Variants in NECAB1 observed in about 807,000 individuals in gnomAD.
The protein encoded by NECAB1 is N-terminal EF-hand calcium binding protein 1.
NECAB1 carries 29 observed loss-of-function variants against 57.5 expected under a neutral mutation model. That is an observed-to-expected ratio of 0.50 (90% CI 0.38 to 0.69). The LOEUF (loss-of-function observed/expected upper bound fraction) is 0.69, where lower values mean the gene tolerates loss of function less well. NECAB1 is among the 30% of genes least tolerant of loss of function. The probability of loss-of-function intolerance (pLI) is 0.00; values close to 1 mark genes in which losing one functional copy is unlikely to be tolerated. For synonymous variants in NECAB1, 142 were observed against 147.7 expected, an observed-to-expected ratio of 0.96 and a Z score of 0.28; for missense variants, 372 against 413.8, an observed-to-expected ratio of 0.90 and a Z score of 0.88.
rs1455014692 is a variant in NECAB1 at position 90,957,857 on chromosome 8, TAAAAA to T, written c.*2349_*2353del. On this transcript the variant is annotated 3_prime_UTR_variant, in exon 13 of 13. Transcript: ENST00000417640. Reference sequence around the variant, plus strand: ...AAAAAAAATTTAAAAAATTAAAAAATAAAAAAAAGAGGTCACTAAAAGACCAAGAT... The same window carrying T: ...AAAAAAAATTTAAAAAATTAAAAAATAAAGAGGTCACTAAAAGACCAAGAT... 2.1e-5 allele frequency: 3 copies of T among 145,196 alleles called. No individual in the cohort carries two copies. The highest frequency in any genetic ancestry group is 7.6e-5 in the African/African-American group (3 of 39,564). The allele number at this position is 145,196 out of a possible 1,614,324, so 9.0% of individuals were successfully genotyped here.
At chr8:90,871,719 C>T (rs910168542) in intron 3 of NECAB1, among the ~76,000 whole-genome samples, 3 of 152,060 alleles carry the variant, frequency 2.0e-5, no homozygotes. Flanking sequence ...CCTACAGCAT[C>T]CCATGAACCA....
At chr8:90,906,879 A>ATATATATATATGTGTG (rs1563528179) in intron 5 of NECAB1, among the ~76,000 whole-genome samples, 2 of 89,162 alleles carry the variant, frequency 2.2e-5, no homozygotes, top group Admixed American at 1.2e-4. Flanking sequence ...ATATACACAT[A>ATATATATATATGTGTG]TATATATATA....
intron 5 of NECAB1, among the ~76,000 whole-genome samples, chr8:90,884,551 C>A (rs1808925050): frequency 6.6e-6 from 1 of 152,032 alleles, no homozygotes; most frequent in Admixed American, 6.5e-5. Flanking sequence ...TGAAATGATA[C>A]CATATGTGGC....
intron 3 of NECAB1, among the ~76,000 whole-genome samples, chr8:90,860,585 C>T (rs769724465): frequency 2.0e-5 from 3 of 151,994 alleles, no homozygotes; most frequent in Non-Finnish European, 2.9e-5. Context: ...AGTTTTTCTG[C>T]GTAAGTATAT....
At chr8:90,895,385 A>G (rs1304601144) in intron 5 of NECAB1, among the ~76,000 whole-genome samples, 1 of 152,248 alleles carries the variant, frequency 6.6e-6, no homozygotes, top group African/African-American at 2.4e-5. Context: ...CTCAACACTG[A>G]GGAAGCATAG....
At chr8:90,896,646 A>T (rs1453499551) in intron 5 of NECAB1, among the ~76,000 whole-genome samples, 1 of 152,108 alleles carries the variant, frequency 6.6e-6, no homozygotes, top group Non-Finnish European at 1.5e-5. Flanking sequence ...AAAAACAAAC[A>T]AACTAATACG....
intron 2 of NECAB1, among the ~76,000 whole-genome samples, chr8:90,821,871 C>A (rs1428877631): frequency 6.6e-6 from 1 of 151,752 alleles, no homozygotes; most frequent in East Asian, 1.9e-4. Context: ...AAGTGCCCTA[C>A]TAGCAAATGG....
At chr8:90,870,907 G>A (rs1401039815) in intron 3 of NECAB1, among the ~76,000 whole-genome samples, 1 of 152,038 alleles carries the variant, frequency 6.6e-6, no homozygotes, top group African/African-American at 2.4e-5. Flanking sequence ...TCTACCTGGT[G>A]GCAAATATTA....
intron 5 of NECAB1, among the ~76,000 whole-genome samples, chr8:90,911,013 A>G (rs1485661932): frequency 6.6e-6 from 1 of 152,080 alleles, no homozygotes; most frequent in African/African-American, 2.4e-5. Context: ...TTCATTGTCT[A>G]TTGGAGCTTT....
chr8:90,947,863 C>T (rs1194609718), intron 10 of NECAB1, among the ~76,000 whole-genome samples: 4 of 152,134 alleles, frequency 2.6e-5, no homozygotes, highest in African/African-American at 9.7e-5. Flanking sequence ...ACTGTGTTGT[C>T]CTCCTTTTTA....
chr8:90,942,923 T>C (rs1810710360), intron 10 of NECAB1, among the ~76,000 whole-genome samples: 2 of 152,096 alleles, frequency 1.3e-5, no homozygotes, highest in South Asian at 4.2e-4. Flanking sequence ...ATATACACCG[T>C]TCACAGTGTA....
intron 5 of NECAB1, among the ~76,000 whole-genome samples, 186 bp from the exon 6 acceptor site, chr8:90,917,306 C>T (rs982474219): frequency 3.3e-5 from 5 of 151,906 alleles, no homozygotes; most frequent in Non-Finnish European, 7.4e-5. Context: ...CTTTTTTATT[C>T]ATCTCCTGGT....
intron 10 of NECAB1, among the ~76,000 whole-genome samples, chr8:90,945,674 A>C (rs1810789110): frequency 6.6e-6 from 1 of 152,186 alleles, no homozygotes; most frequent in African/African-American, 2.4e-5. Context: ...AGTCCCGTCC[A>C]TTATGGGCAG....
chr8:90,937,619 CA>C (rs1810568635), intron 9 of NECAB1, among the ~76,000 whole-genome samples: 1 of 152,074 alleles, frequency 6.6e-6, no homozygotes, highest in African/African-American at 2.4e-5. Context: ...CACTTCTTAC[CA>C]AAAGAGTACT....
chr8:90,896,604 C>CA (rs1428807761), intron 5 of NECAB1, among the ~76,000 whole-genome samples: 208 of 117,272 alleles, frequency 1.8e-3, no homozygotes, highest in African/African-American at 4.3e-3. Flanking sequence ...GACTCCGTCT[C>CA]AAAAAAAAAC....
intron 6 of NECAB1, 95 bp from the exon 7 acceptor site, chr8:90,925,440 A>G: frequency 7.0e-7 from 1 of 1,421,604 alleles, no homozygotes; most frequent in Non-Finnish European, 9.5e-7. Flanking sequence ...TTGCTGCACT[A>G]GAAAACCTTT....
chr8:90,854,656 A>G (rs1266624392), intron 3 of NECAB1, among the ~76,000 whole-genome samples: 1 of 152,220 alleles, frequency 6.6e-6, no homozygotes, highest in African/African-American at 2.4e-5. Context: ...TTGTTCAGTG[A>G]GCAAATACTC....
At chr8:90,800,581 G>C (rs925334965) in intron 1 of NECAB1, among the ~76,000 whole-genome samples, 2 of 152,152 alleles carry the variant, frequency 1.3e-5, no homozygotes, top group African/African-American at 4.8e-5. Context: ...CCTATTTCCA[G>C]ATAAAGTTAC....
intron 8 of NECAB1, among the ~76,000 whole-genome samples, chr8:90,931,776 C>T (rs758855964): frequency 1.6e-4 from 25 of 152,010 alleles, no homozygotes; most frequent in East Asian, 5.8e-4. Context: ...TGGTGGTGTG[C>T]GCCTGTAATC....
Sources: allele counts gnomAD v4.1 joint callset (sites outside exome capture counted in the v4.1 genomes callset), GRCh38; gene constraint gnomAD v4.1.1; transcripts MANE v1.5; gene names NCBI Gene and HGNC (gene_info 2026-07-23, HGNC 2026-07-21).